Variants in LHFPL3 observed in about 807,000 individuals in gnomAD.
The protein encoded by LHFPL3 is LHFPL tetraspan subfamily member 3.
Under a neutral mutation model 19.3 loss-of-function variants are expected in LHFPL3, and 5 were observed. The observed-to-expected ratio is 0.26, with a 90% CI of 0.14 to 0.54. The LOEUF (loss-of-function observed/expected upper bound fraction) is 0.54, where lower values mean the gene tolerates loss of function less well. Among genes scored for constraint, LHFPL3 ranks in the 20% least tolerant of loss-of-function variants. LHFPL3 has a pLI of 0.94. For missense variants in LHFPL3, 249 were observed against 307.4 expected (o/e 0.81, Z 1.42); for synonymous variants, 133 against 126.2 (o/e 1.05, Z -0.36).
intron 1 of LHFPL3, among the ~76,000 whole-genome samples, chr7:104,371,809 G>A (rs1584273651): frequency 6.6e-6 from 1 of 152,270 alleles, no homozygotes; most frequent in East Asian, 1.9e-4. Context: ...ACAGAATAAA[G>A]TGAGCTGTCT....
intron 1 of LHFPL3, among the ~76,000 whole-genome samples, chr7:104,639,737 A>G (rs554907399): frequency 6.6e-6 from 1 of 152,356 alleles, no homozygotes; most frequent in South Asian, 2.1e-4. Flanking sequence ...ACCAACAACC[A>G]CATATATTCA....
intron 1 of LHFPL3, among the ~76,000 whole-genome samples, chr7:104,565,953 C>T (rs1429429132): frequency 2.6e-5 from 4 of 151,982 alleles, no homozygotes; most frequent in Non-Finnish European, 1.5e-5. Context: ...TTAAGGCCCA[C>T]GGCCAGCCAT....
chr7:104,395,057 A>G (rs530293954), intron 1 of LHFPL3, among the ~76,000 whole-genome samples: 3 of 151,992 alleles, frequency 2.0e-5, no homozygotes, highest in Admixed American at 1.3e-4. Context: ...TTCTTGCCCA[A>G]TGAGCTTATT....
chr7:104,898,609 A>G (rs962290888), intron 2 of LHFPL3, among the ~76,000 whole-genome samples: 3 of 152,196 alleles, frequency 2.0e-5, no homozygotes, highest in East Asian at 1.9e-4. Flanking sequence ...TCTGATGTTT[A>G]CATTTCAAAG....
chr7:104,356,904 G>T (rs1204678001), intron 1 of LHFPL3, among the ~76,000 whole-genome samples: 1 of 152,170 alleles, frequency 6.6e-6, no homozygotes, highest in South Asian at 2.1e-4. Context: ...GGTGAGCAGC[G>T]GGCTAGCGAG....
At chr7:104,859,055 G>A (rs112251449) in intron 2 of LHFPL3, among the ~76,000 whole-genome samples, 5,030 of 152,066 alleles carry the variant, frequency 0.033, 120 homozygotes, top group Non-Finnish European at 0.053. Flanking sequence ...CTGAGGTCAG[G>A]AGTTCGAGAC....
chr7:104,779,077 G>A (rs1323675629), intron 2 of LHFPL3, among the ~76,000 whole-genome samples: 2 of 152,166 alleles, frequency 1.3e-5, no homozygotes, highest in Admixed American at 1.3e-4. Context: ...GTGGCTTCAT[G>A]ATGCAGAGCA....
chr7:104,371,876 A>G (rs1004909343), intron 1 of LHFPL3, among the ~76,000 whole-genome samples: 2 of 152,212 alleles, frequency 1.3e-5, no homozygotes, highest in Admixed American at 1.3e-4. Context: ...CATGTATGAG[A>G]TACATATTTT....
At chr7:104,706,800 C>T (rs1482443176) in intron 1 of LHFPL3, among the ~76,000 whole-genome samples, 1 of 152,148 alleles carries the variant, frequency 6.6e-6, no homozygotes, top group Non-Finnish European at 1.5e-5. Flanking sequence ...TATTTGTCTC[C>T]ATGATGGCAT....
intron 1 of LHFPL3, among the ~76,000 whole-genome samples, chr7:104,684,622 C>A (rs1426560809): frequency 1.3e-5 from 2 of 152,226 alleles, no homozygotes; most frequent in Non-Finnish European, 2.9e-5. Flanking sequence ...ATAGGGTTGG[C>A]TGACTTCTGC....
chr7:104,391,961 T>A (rs1358448055), intron 1 of LHFPL3, among the ~76,000 whole-genome samples: 3 of 152,176 alleles, frequency 2.0e-5, no homozygotes, highest in African/African-American at 7.2e-5. Context: ...TGAATGGGAG[T>A]TCACTCATGA....
chr7:104,885,692 C>T (rs1230788688), intron 2 of LHFPL3, among the ~76,000 whole-genome samples: 1 of 152,212 alleles, frequency 6.6e-6, no homozygotes, highest in Admixed American at 6.5e-5. Context: ...TAACTGTCCT[C>T]TCTGCTTCAA....
chr7:104,583,120 C>A (rs576901245), intron 1 of LHFPL3, among the ~76,000 whole-genome samples: 1 of 151,878 alleles, frequency 6.6e-6, no homozygotes, highest in South Asian at 2.1e-4. Context: ...GAGATATAGA[C>A]CAATGGAACA....
intron 1 of LHFPL3, among the ~76,000 whole-genome samples, chr7:104,625,056 T>C (rs769463603): frequency 6.6e-6 from 1 of 152,240 alleles, no homozygotes; most frequent in African/African-American, 2.4e-5. Context: ...GACACCTGCC[T>C]GTAGGTTATC....
At chr7:104,881,118 C>T (rs1374233037) in intron 2 of LHFPL3, among the ~76,000 whole-genome samples, 3 of 146,782 alleles carry the variant, frequency 2.0e-5, no homozygotes, top group Non-Finnish European at 4.5e-5. Flanking sequence ...TGCAGTGAGC[C>T]GGGATAGCAC....
chr7:104,688,078 C>G (rs185886582), intron 1 of LHFPL3, among the ~76,000 whole-genome samples: 1 of 152,108 alleles, frequency 6.6e-6, no homozygotes, highest in Non-Finnish European at 1.5e-5. Context: ...AAAATAAATG[C>G]GTTTGATACT....
Position 104,630,971 on chromosome 7 carries a change from G to A in LHFPL3, c.446-105704G>A, listed in dbSNP as rs373591361. On this transcript the variant is annotated intron_variant, in intron 1 of 2. Coordinates refer to ENST00000424859, the MANE Select transcript of LHFPL3 (RefSeq NM_199000.3). The stretch of plus-strand genomic sequence containing the variant: ...AAGAGCTATGATTCACTGAGTGGCA[G>A]AGAAGTCATTGTGGTGCCATACTGG... 1.0e-3 allele frequency among the ~76,000 whole-genome samples: 158 copies of A among 152,252 alleles called. 2 individuals carry two copies. In the South Asian group the frequency reaches 0.019, roughly 19 times the overall value.
chr7:104,753,152 G>C (rs74960603), intron 2 of LHFPL3, among the ~76,000 whole-genome samples: 1 of 152,096 alleles, frequency 6.6e-6, no homozygotes, highest in Non-Finnish European at 1.5e-5. Context: ...ATAATGTAAC[G>C]ATACTGAGGC....
intron 1 of LHFPL3, among the ~76,000 whole-genome samples, chr7:104,392,823 T>C (rs1003527554): frequency 1.3e-5 from 2 of 152,176 alleles, no homozygotes; most frequent in East Asian, 1.9e-4. Context: ...TCCTGGACTT[T>C]TCTTTGGTTG....
Sources: gnomAD v4.1 joint callset for allele counts (sites outside exome capture counted in the v4.1 genomes callset) on GRCh38, gnomAD v4.1.1 for gene constraint, MANE v1.5 for transcripts, NCBI Gene and HGNC (gene_info 2026-07-23, HGNC 2026-07-21) for gene names.